The following EXOG variants were observed in gnomAD, a reference collection of about 807,000 sequenced individuals.
EXOG encodes the protein exo/endonuclease G.
Under a neutral mutation model 25.8 loss-of-function variants are expected in EXOG, and 27 were observed. The observed-to-expected ratio is 1.05, with a 90% CI of 0.77 to 1.45. The LOEUF (loss-of-function observed/expected upper bound fraction) is 1.45, where lower values mean the gene tolerates loss of function less well. Among genes scored for constraint, EXOG ranks in the 40% most tolerant of loss-of-function variants. The probability of loss-of-function intolerance (pLI) is 0.00; values close to 1 mark genes in which losing one functional copy is unlikely to be tolerated. For synonymous variants in EXOG, 133 were observed against 167.0 expected, an observed-to-expected ratio of 0.80 and a Z score of 1.57; for missense variants, 458 against 450.5, an observed-to-expected ratio of 1.02 and a Z score of -0.15.
intron 1 of EXOG, chr3:38,496,759 C>G: frequency 2.0e-6 from 3 of 1,464,916 alleles, no homozygotes; most frequent in Non-Finnish European, 2.7e-6. Context: ...GTTTTCTGCA[C>G]AGAACCACCC....
At chr3:38,521,340 G>GT (rs2060709496) in intron 5 of EXOG, among the ~76,000 whole-genome samples, 1 of 152,196 alleles carries the variant, frequency 6.6e-6, no homozygotes, top group Non-Finnish European at 1.5e-5. Context: ...TTTAGCAATT[G>GT]TAAGAGTTTT....
chr3:38,497,907 A>T, intron 2 of EXOG, 129 bp downstream of exon 2: 1 of 1,200,846 alleles, frequency 8.3e-7, no homozygotes, highest in East Asian at 2.8e-5. Context: ...TTATATTTAT[A>T]TAACTTACTG....
chr3:38,524,181 T>C lies in EXOG; in HGVS notation c.926T>C (p.Leu309Ser). ...CTCCTGGATTTCCAGGAGTTCACCT[T>C]GTACTTGAGTACAAGAAAGATTGAA... ...CKLLDFQEFT[L>S]YLSTRKIEGA... The change falls in exon 6 of 6, where the codon TTG becomes TCG. Residue 309 changes from leucine (L) to serine (S), a missense_variant. Physicochemically the swap from Leu to Ser is moderately radical, Grantham distance 145. Around this residue, in one of 3 missense-constraint regions of EXOG, gnomAD observed 178 missense variants for 203.7 expected, o/e 0.87. Coordinates refer to ENST00000287675, the MANE Select transcript of EXOG (RefSeq NM_005107.4). The C allele has an allele frequency of 6.2e-7, 1 of 1,614,218 alleles. No homozygotes were observed. The highest frequency in any genetic ancestry group is 8.5e-7 in the Non-Finnish European group (1 of 1,180,030).
intron 5 of EXOG, among the ~76,000 whole-genome samples, chr3:38,517,029 C>CTGGT (rs2060566510): frequency 1.3e-5 from 2 of 152,132 alleles, no homozygotes; most frequent in African/African-American, 4.8e-5. Flanking sequence ...GTTTTTTCAC[C>CTGGT]ATTTCCCCCT....
chr3:38,507,055 A>T (rs1405560119), intron 5 of EXOG, 87 bp downstream of exon 5: 7 of 597,028 alleles, frequency 1.2e-5, no homozygotes, highest in African/African-American at 9.7e-5. Flanking sequence ...TATTTTTATC[A>T]TTCAAAAAAA....
In EXOG at chr3:38,523,154, G is replaced by A. The variant is rs2060773221; in HGVS notation, c.646-747G>A. 2.4e-6 allele frequency: 3 copies of A among 1,263,468 alleles called. No homozygotes were observed. In the Admixed American group the frequency reaches 6.9e-5, roughly 29 times the overall value. The allele number at this position is 1,263,468 out of a possible 1,614,324, so 78.3% of individuals were successfully genotyped here. Reference sequence around the variant, plus strand: ...TCCCTAGTGAATTTCATAAACTAAGGCCATGTTTTTATTTCTAGAGCTGGG... The same window carrying A: ...TCCCTAGTGAATTTCATAAACTAAGACCATGTTTTTATTTCTAGAGCTGGG... On this transcript the variant is annotated intron_variant, in intron 5 of 5. Transcript: ENST00000287675.
At chr3:38,509,384 G>A (rs2060300503) in intron 5 of EXOG, among the ~76,000 whole-genome samples, 1 of 152,078 alleles carries the variant, frequency 6.6e-6, no homozygotes, top group Admixed American at 6.6e-5. Flanking sequence ...TGTAAAATAT[G>A]TGTTGCCCAA....
At chr3:38,519,887 G>A (rs1032544732) in intron 5 of EXOG, among the ~76,000 whole-genome samples, 1 of 152,098 alleles carries the variant, frequency 6.6e-6, no homozygotes, top group African/African-American at 2.4e-5. Flanking sequence ...CACTTTTCAT[G>A]TTCCTTCCCC....
At position 38,524,238 on chromosome 3, in the gene EXOG, T is replaced by C; in HGVS notation, c.983T>C (p.Ile328Thr). ...GARSVLRLEKIMENLKNAEIE... is the reference protein window; with the variant it reads ...GARSVLRLEKTMENLKNAEIE... ...CGATCAGTGCTCAGACTGGAAAAGATCATGGAAAACTTGAAGAATGCAGAG... is the reference window on the plus strand; with the variant it reads ...CGATCAGTGCTCAGACTGGAAAAGACCATGGAAAACTTGAAGAATGCAGAG... Residue 328 changes from isoleucine (I) to threonine (T), a missense_variant, in exon 6 of 6, where the codon ATC (isoleucine) becomes ACC (threonine). Ile to Thr is a moderately conservative substitution (Grantham distance 89). Transcript: ENST00000287675. The C allele has an allele frequency of 6.2e-7, 1 of 1,614,090 alleles. No individual in the cohort carries two copies. The highest frequency in any genetic ancestry group is 8.5e-7 in the Non-Finnish European group (1 of 1,179,982).
chr3:38,496,609 C>G, intron 1 of EXOG, 79 bp downstream of exon 1: 1 of 1,537,448 alleles, frequency 6.5e-7, no homozygotes, highest in Non-Finnish European at 8.7e-7. Flanking sequence ...AATGGCAGTC[C>G]TTGACGGACA....
intron 4 of EXOG, among the ~76,000 whole-genome samples, chr3:38,505,047 A>G (rs2060161961): frequency 6.6e-6 from 1 of 152,242 alleles, no homozygotes; most frequent in Non-Finnish European, 1.5e-5. Flanking sequence ...ACATATATTT[A>G]GAAGATAAGG....
rs758855102 is a variant in EXOG at position 38,496,448 on chromosome 3, CGCTGCGGGA to C, written c.86_94del (p.Ala29_Ala31del). ...GCTTCGTGGCTGGGGCTGTAGTGGG[CGCTGCGGGA>C]GCTGGGCTCGCGGCCCTGCAGTTCT... On this transcript the variant is annotated inframe_deletion, in exon 1 of 6. Transcript: ENST00000287675. The C allele has an allele frequency of 4.3e-6, 7 of 1,613,910 alleles. No homozygotes were observed. Among genetic ancestry groups the C allele is most frequent in the Non-Finnish European group, 5.9e-6 (7 of 1,179,986 alleles).
chr3:38,523,790 GGGA>G, intron 5 of EXOG, 108 bp from the exon 6 acceptor site: 1 of 672,582 alleles, frequency 1.5e-6, no homozygotes, highest in Non-Finnish European at 2.5e-6. Flanking sequence ...AGAACAGAGT[GGGA>G]TGGCTTATAA....
chr3:38,497,583 T>C (rs756803482), intron 1 of EXOG, 46 bp from the exon 2 acceptor site: 1 of 1,521,308 alleles, frequency 6.6e-7, no homozygotes, highest in East Asian at 2.3e-5. Flanking sequence ...TGTGTGTGTG[T>C]TTTTTTTGTC....
At chr3:38,521,055 A>C in intron 5 of EXOG, among the ~76,000 whole-genome samples, 1 of 152,254 alleles carries the variant, frequency 6.6e-6, no homozygotes, top group East Asian at 1.9e-4. Context: ...ATTGTCTTAA[A>C]TTCAAGGAAG....
At position 38,524,287 on chromosome 3, in the gene EXOG, G is replaced by A; in HGVS notation, c.1032G>A (p.Met344Ile). ...NAEIEPDDYFMSRYEKKLEEL... is the reference protein window; with the variant it reads ...NAEIEPDDYFISRYEKKLEEL... ...AGATTGAACCAGATGATTACTTTAT[G>A]AGTCGCTATGAGAAGAAGCTAGAAG... Residue 344 changes from methionine to isoleucine, a missense_variant, in exon 6 of 6, where the codon ATG becomes ATA. Coordinates refer to ENST00000287675, the MANE Select transcript of EXOG (RefSeq NM_005107.4). 1.2e-6 allele frequency: 2 copies of A among 1,614,116 alleles called. No homozygotes were observed. The highest frequency in any genetic ancestry group is 1.7e-6 in the Non-Finnish European group (2 of 1,180,012).
At chr3:38,505,363 A>C (rs1167800373) in intron 4 of EXOG, 1 of 151,760 alleles carries the variant, frequency 6.6e-6, no homozygotes, top group South Asian at 2.1e-4. Context: ...TGCTGATCGC[A>C]TACCTGTGGA....
At position 38,497,567 on chromosome 3, in the gene EXOG, T is replaced by C. The variant is rs1452438795; in HGVS notation, c.164-62T>C. 5.2e-6 allele frequency: 8 copies of C among 1,525,370 alleles called. No homozygotes were observed. In the South Asian group the frequency reaches 9.1e-5, roughly 17 times the overall value. 94.5% of individuals were successfully genotyped at this position (1,525,370 alleles called of 1,614,324 possible). ...ATAATCTTTCATTATTAAGAGCCAC[T>C]AATTGTGTGTGTGTGTTTTTTTTGT... On this transcript the variant is annotated intron_variant, in intron 1 of 5. Transcript: ENST00000287675.
chr3:38,508,073 C>T (rs1575633180), intron 5 of EXOG, among the ~76,000 whole-genome samples: 1 of 151,974 alleles, frequency 6.6e-6, no homozygotes, highest in South Asian at 2.1e-4. Flanking sequence ...GGAGGTTGCA[C>T]TGAGCCGAGA....
Sources: allele counts gnomAD v4.1 joint callset (sites outside exome capture counted in the v4.1 genomes callset), GRCh38; gene constraint gnomAD v4.1.1; regional missense constraint gnomAD v4.1.1; transcripts MANE v1.5; gene names NCBI Gene and HGNC (gene_info 2026-07-23, HGNC 2026-07-21).